CSMD1: variants seen among roughly 807,000 people sequenced by gnomAD.
CSMD1 encodes CUB and Sushi multiple domains 1.
CSMD1 carries 213 observed loss-of-function variants against 417.5 expected under a neutral mutation model. The ratio of observed to expected loss-of-function variants is 0.51; its 90% CI spans 0.46 to 0.57. The LOEUF is 0.57. Ranked by LOEUF, CSMD1 falls within the 20% of genes least tolerant of loss-of-function variation. CSMD1 has a pLI of 0.00. For synonymous variants in CSMD1, 2,862 were observed against 1,736.8 expected (o/e 1.65, Z -16.11); for missense variants, 6,923 against 4,529.7 (o/e 1.53, Z -15.17).
At chr8:3,079,297 C>G (rs1471268) in intron 49 of CSMD1, among the ~76,000 whole-genome samples, 1 of 151,966 alleles carries the variant, frequency 6.6e-6, no homozygotes, top group Admixed American at 6.6e-5. Context: ...TGCCTACAAC[C>G]TATATAAAAG....
chr8:3,401,825 A>T (rs1230284383), intron 15 of CSMD1, among the ~76,000 whole-genome samples: 1 of 152,168 alleles, frequency 6.6e-6, no homozygotes, highest in African/African-American at 2.4e-5. Context: ...TCAAGAAAAG[A>T]CATTCCACCT....
chr8:4,419,925 C>A, intron 3 of CSMD1, 28 bp downstream of exon 3: 1 of 1,361,158 alleles, frequency 7.3e-7, no homozygotes, highest in Non-Finnish European at 1.0e-6. Context: ...ACAGTGAATG[C>A]ATGTGCAAAA....
At chr8:4,481,982 G>C (rs1392439727) in intron 2 of CSMD1, among the ~76,000 whole-genome samples, 1 of 152,058 alleles carries the variant, frequency 6.6e-6, no homozygotes, top group Non-Finnish European at 1.5e-5. Flanking sequence ...ATATTATATA[G>C]GCTTTATCAG....
intron 25 of CSMD1, among the ~76,000 whole-genome samples, chr8:3,291,298 T>C (rs1166977800): frequency 1.3e-5 from 2 of 152,198 alleles, no homozygotes; most frequent in African/African-American, 4.8e-5. Context: ...TTTTTTGTTG[T>C]GTCTCTGTCA....
chr8:4,066,818 C>T (rs56797323), intron 3 of CSMD1, among the ~76,000 whole-genome samples: 5 of 152,170 alleles, frequency 3.3e-5, no homozygotes, highest in East Asian at 3.9e-4. Context: ...AAAGCGAAAG[C>T]GACAACACCC....
chr8:3,247,186 A>G (rs1227990174), intron 26 of CSMD1, among the ~76,000 whole-genome samples: 2 of 152,174 alleles, frequency 1.3e-5, no homozygotes, highest in African/African-American at 2.4e-5. Context: ...AGGCTCACAG[A>G]CCATGTGATT....
chr8:4,534,480 T>C (rs1796999533), intron 2 of CSMD1, among the ~76,000 whole-genome samples: 1 of 152,238 alleles, frequency 6.6e-6, no homozygotes, highest in Admixed American at 6.5e-5. Context: ...TGTTGCCTTT[T>C]ATTTCAGATA....
intron 7 of CSMD1, among the ~76,000 whole-genome samples, chr8:3,694,775 C>T (rs978525738): frequency 1.3e-5 from 2 of 151,546 alleles, no homozygotes; most frequent in Admixed American, 6.6e-5. Flanking sequence ...GTGGAAAGAG[C>T]GGTCCAAGCA....
intron 12 of CSMD1, among the ~76,000 whole-genome samples, chr8:3,416,294 C>T (rs776010075): frequency 1.0e-4 from 10 of 99,472 alleles, no homozygotes; most frequent in Non-Finnish European, 1.9e-4. Flanking sequence ...CAGAGCCAGA[C>T]TCCGTCTCAA....
At chr8:4,684,404 C>G (rs1421061436) in intron 1 of CSMD1, among the ~76,000 whole-genome samples, 1 of 152,154 alleles carries the variant, frequency 6.6e-6, no homozygotes, top group Non-Finnish European at 1.5e-5. Context: ...TCAATACTTT[C>G]CAAACCTTAA....
At chr8:3,391,495 T>G (rs961731396) in intron 17 of CSMD1, among the ~76,000 whole-genome samples, 1 of 152,234 alleles carries the variant, frequency 6.6e-6, no homozygotes. Context: ...GGAGCGAGAA[T>G]GCAATCGCTA....
chr8:4,853,707 G>C (rs1801619785), intron 1 of CSMD1, among the ~76,000 whole-genome samples: 2 of 152,160 alleles, frequency 1.3e-5, no homozygotes, highest in Admixed American at 1.3e-4. Context: ...ACTGAGGAAT[G>C]GTAGATCTAA....
intron 7 of CSMD1, among the ~76,000 whole-genome samples, chr8:3,619,626 A>G (rs916805184): frequency 6.6e-6 from 1 of 152,200 alleles, no homozygotes; most frequent in African/African-American, 2.4e-5. Context: ...GATAAACATC[A>G]AGAGATCCAC....
intron 18 of CSMD1, among the ~76,000 whole-genome samples, chr8:3,379,549 T>C (rs1319613545): frequency 6.6e-6 from 1 of 152,068 alleles, no homozygotes; most frequent in Admixed American, 6.6e-5. Flanking sequence ...CCAAAGCAGA[T>C]ATATAGACCA....
At chr8:4,137,031 A>T (rs981275118) in intron 3 of CSMD1, among the ~76,000 whole-genome samples, 2 of 152,224 alleles carry the variant, frequency 1.3e-5, no homozygotes, top group Non-Finnish European at 2.9e-5. Context: ...TTACAACATG[A>T]TCACAGTTGG....
intron 2 of CSMD1, among the ~76,000 whole-genome samples, chr8:4,530,327 T>TTTTTTTTTTTG: frequency 7.1e-6 from 1 of 139,884 alleles, no homozygotes; most frequent in Non-Finnish European, 1.5e-5. Flanking sequence ...TTTTTTTTTT[T>TTTTTTTTTTTG]TTTTTTTTTT....
chr8:4,138,624 A>AT (rs372785573), intron 3 of CSMD1, among the ~76,000 whole-genome samples: 3 of 151,908 alleles, frequency 2.0e-5, no homozygotes, highest in Non-Finnish European at 2.9e-5. Flanking sequence ...AATTAAACAA[A>AT]GGAAAAAACA....
intron 26 of CSMD1, among the ~76,000 whole-genome samples, chr8:3,283,022 C>T (rs1584926145): frequency 6.6e-6 from 1 of 152,178 alleles, no homozygotes; most frequent in South Asian, 2.1e-4. Flanking sequence ...AATATCTCCA[C>T]TCCTTCCTCC....
intron 3 of CSMD1, among the ~76,000 whole-genome samples, chr8:4,181,873 T>C (rs1798396385): frequency 6.6e-6 from 1 of 152,170 alleles, no homozygotes; most frequent in Admixed American, 6.5e-5. Flanking sequence ...GCCTAGTTGA[T>C]TATAACATGA....
Sources: allele counts gnomAD v4.1 joint callset (sites outside exome capture counted in the v4.1 genomes callset), GRCh38; gene constraint gnomAD v4.1.1; transcripts MANE v1.5; gene names NCBI Gene and HGNC (gene_info 2026-07-23, HGNC 2026-07-21).